The following TRAIP variants were observed in gnomAD, a reference collection of about 807,000 sequenced individuals.
The protein encoded by TRAIP is E3 ubiquitin-protein ligase TRAIP.
A neutral mutation model predicts 65.0 loss-of-function variants in TRAIP; 37 were observed. The ratio of observed to expected loss-of-function variants is 0.57; its 90% CI spans 0.44 to 0.75. TRAIP has a LOEUF of 0.75. Ranked by LOEUF, TRAIP falls within the 30% of genes least tolerant of loss-of-function variation. TRAIP has a pLI of 0.00. For synonymous variants in TRAIP, 187 were observed against 219.1 expected (o/e 0.85, Z 1.29); for missense variants, 481 against 579.4 (o/e 0.83, Z 1.74).
At chr3:49,852,560 C>T (rs564344289) in intron 1 of TRAIP, among the ~76,000 whole-genome samples, 1 of 151,280 alleles carries the variant, frequency 6.6e-6, no homozygotes, top group Non-Finnish European at 1.5e-5. Flanking sequence ...TCAAGACCAT[C>T]CTGACTAACA....
chr3:49,829,642 G>A lies in TRAIP; in HGVS notation c.1211C>T (p.Ser404Leu). Residue 404 changes from serine (S) to leucine (L), a missense_variant, in exon 13 of 15, where the codon TCA becomes TTA. Ser to Leu is a moderately radical substitution (Grantham distance 145, BLOSUM62 -2). Coordinates refer to ENST00000331456, the MANE Select transcript of TRAIP (RefSeq NM_005879.3). ...LGQKQPKRPR[S>L]ESSCSKDVVR... ...CACATCTTTGCTGCAAGAGGACTCT[G>A]ACCTGGGCCTCTTGGGCTGTTTCTG... 1.2e-6 allele frequency: 2 copies of A among 1,614,208 alleles called. No homozygotes were observed. The highest frequency in any genetic ancestry group is 1.7e-6 in the Non-Finnish European group (2 of 1,180,036).
Position 49,828,978 on chromosome 3 carries a change from T to C in TRAIP, c.*125A>G, listed in dbSNP as rs1217002941. On this transcript the variant is annotated 3_prime_UTR_variant, in exon 15 of 15. Coordinates refer to ENST00000331456, the MANE Select transcript of TRAIP (RefSeq NM_005879.3). ...TGGGTGCCACACTCACCCTCACCTG[T>C]TTGTCTGCCCTTACACCTCAGGCTG... 3.0e-6 allele frequency: 4 copies of C among 1,353,594 alleles called. No homozygotes were observed. The highest frequency in any genetic ancestry group is 4.1e-6 in the Non-Finnish European group (4 of 964,744). The allele number at this position is 1,353,594 out of a possible 1,614,324, so 83.8% of individuals were successfully genotyped here.
At chr3:49,835,624 T>C (rs2081778358) in intron 10 of TRAIP, among the ~76,000 whole-genome samples, 1 of 152,088 alleles carries the variant, frequency 6.6e-6, no homozygotes, top group Admixed American at 6.5e-5. Flanking sequence ...TTATAAAAAT[T>C]AAGAAGCTTC....
At chr3:49,854,642 T>C (rs1575401983) in intron 1 of TRAIP, among the ~76,000 whole-genome samples, 1 of 152,136 alleles carries the variant, frequency 6.6e-6, no homozygotes, top group East Asian at 1.9e-4. Context: ...CAAAACAGAA[T>C]CGACTAAAGA....
intron 11 of TRAIP, among the ~76,000 whole-genome samples, chr3:49,831,594 G>C (rs994114546): frequency 1.3e-5 from 2 of 152,232 alleles, no homozygotes; most frequent in African/African-American, 4.8e-5. Flanking sequence ...TCAGGACTCT[G>C]GTGGGCAGGC....
intron 7 of TRAIP, 24 bp downstream of exon 7, chr3:49,841,802 G>T: frequency 6.3e-7 from 1 of 1,595,196 alleles, no homozygotes; most frequent in Non-Finnish European, 8.6e-7. Flanking sequence ...TCCTGTGTTT[G>T]CTGAGAGGGG....
chr3:49,830,042 T>G lies in TRAIP; in HGVS notation c.1064A>C (p.Lys355Thr), dbSNP rs1022713275. The change falls in exon 12 of 15, where the codon AAG becomes ACG. Residue 355 changes from lysine to threonine, a missense_variant. Physicochemically the swap from Lys to Thr is moderately conservative, Grantham distance 78. Transcript: ENST00000331456. ...TACCTTCCTGGGGCCTTTGCATATCTTCTTGGGGACATCCTGAATTGGGGA... is the reference window on the plus strand; with the variant it reads ...TACCTTCCTGGGGCCTTTGCATATCGTCTTGGGGACATCCTGAATTGGGGA... Reference protein sequence around the residue: ...SHSPIQDVPKKICKGPRKESQ... With the variant: ...SHSPIQDVPKTICKGPRKESQ... 1.2e-6 allele frequency: 2 copies of G among 1,614,172 alleles called. No homozygotes were observed. Among genetic ancestry groups the G allele is most frequent in the Non-Finnish European group, 8.5e-7 (1 of 1,180,020 alleles).
At chr3:49,839,286 GTA>G (rs976326844) in intron 10 of TRAIP, among the ~76,000 whole-genome samples, 9 of 152,106 alleles carry the variant, frequency 5.9e-5, no homozygotes. Context: ...CAGGCAGGAG[GTA>G]GCCTTGAGGA....
chr3:49,856,472 G>C lies in TRAIP; in HGVS notation c.-19C>G, dbSNP rs765203604. The C allele has an allele frequency of 6.2e-7, 1 of 1,607,060 alleles. No homozygotes were observed. Among genetic ancestry groups the C allele is most frequent in the Admixed American group, 1.7e-5 (1 of 59,042 alleles). Reference sequence around the variant, plus strand: ...TAGGCATGATGGCTGGACTCAAGGGGCCCAGGCAGCCAAAGAAACTGCTAC... The same window carrying C: ...TAGGCATGATGGCTGGACTCAAGGGCCCCAGGCAGCCAAAGAAACTGCTAC... On this transcript the variant is annotated 5_prime_UTR_variant, in exon 1 of 15. Transcript: ENST00000331456.
chr3:49,853,679 A>G (rs1379611154), intron 1 of TRAIP, among the ~76,000 whole-genome samples: 1 of 151,612 alleles, frequency 6.6e-6, no homozygotes, highest in Non-Finnish European at 1.5e-5. Flanking sequence ...CTCTGCCTCT[A>G]CTAAAAATAC....
chr3:49,847,733 T>C (rs529251890), intron 2 of TRAIP, 125 bp from the exon 3 acceptor site: 6 of 671,644 alleles, frequency 8.9e-6, no homozygotes, highest in East Asian at 5.2e-5. Context: ...GACCTAATTT[T>C]TCAAAGTACA....
intron 1 of TRAIP, among the ~76,000 whole-genome samples, chr3:49,850,111 A>C (rs2081918284): frequency 6.6e-6 from 1 of 152,180 alleles, no homozygotes; most frequent in Non-Finnish European, 1.5e-5. Flanking sequence ...GTCTACAGCT[A>C]AGAACAATAT....
At chr3:49,835,009 C>T (rs540778952) in intron 10 of TRAIP, among the ~76,000 whole-genome samples, 1 of 152,070 alleles carries the variant, frequency 6.6e-6, no homozygotes, top group East Asian at 1.9e-4. Context: ...CAATACTGAC[C>T]TGGGCAACAT....
At chr3:49,833,548 C>T (rs1042440882) in intron 10 of TRAIP, among the ~76,000 whole-genome samples, 1 of 151,096 alleles carries the variant, frequency 6.6e-6, no homozygotes, top group African/African-American at 2.4e-5. Context: ...GGTGCGATCT[C>T]GGCTCACTGC....
At chr3:49,836,563 G>A (rs1331888714) in intron 10 of TRAIP, among the ~76,000 whole-genome samples, 1 of 152,184 alleles carries the variant, frequency 6.6e-6, no homozygotes, top group African/African-American at 2.4e-5. Flanking sequence ...GCAAAGCGGT[G>A]GCTCACGCCT....
chr3:49,842,674 T>G, intron 5 of TRAIP, 127 bp from the exon 6 acceptor site: 1 of 834,606 alleles, frequency 1.2e-6, no homozygotes, highest in Non-Finnish European at 1.9e-6. Flanking sequence ...AACCATGTAC[T>G]CCCAAACCCC....
In TRAIP at chr3:49,843,839, C is replaced by T. The variant is rs1194560438; in HGVS notation, c.370G>A (p.Ala124Thr). The T allele has an allele frequency of 1.2e-6, 2 of 1,613,858 alleles. No homozygotes were observed. Among genetic ancestry groups the T allele is most frequent in the Admixed American group, 1.7e-5 (1 of 60,022 alleles). The change falls in exon 5 of 15, where the codon GCC becomes ACC. Residue 124 changes from alanine (A) to threonine (T), a missense_variant. Transcript: ENST00000331456. ...RNATVVSLQQ[A>T]LGKAEMLCST... Reference sequence around the variant, plus strand: ...CACAGCATCTCGGCCTTGCCCAAGGCCTGCTGCAGAGATACCACAGTAGCA... The same window carrying T: ...CACAGCATCTCGGCCTTGCCCAAGGTCTGCTGCAGAGATACCACAGTAGCA...
intron 14 of TRAIP, 83 bp downstream of exon 14, chr3:49,829,352 AGCACTGCACACCTGAGGCTGTTG>A: frequency 6.2e-7 from 1 of 1,611,438 alleles, no homozygotes; most frequent in Non-Finnish European, 8.5e-7. Context: ...AATGAGGCCC[AGCACTGCACACCTGAGGCTGTTG>A]GCACTGGCAG....
At chr3:49,843,735 T>TG in intron 5 of TRAIP, 66 bp downstream of exon 5, 1 of 1,571,424 alleles carries the variant, frequency 6.4e-7, no homozygotes. Context: ...AAGCCCAGAA[T>TG]GGGGAGTCCA....
Sources: allele counts gnomAD v4.1 joint callset (sites outside exome capture counted in the v4.1 genomes callset), GRCh38; gene constraint gnomAD v4.1.1; transcripts MANE v1.5; gene names NCBI Gene and HGNC (gene_info 2026-07-23, HGNC 2026-07-21).